The following PABPC4 variants were observed in gnomAD, a reference collection of about 807,000 sequenced individuals.
PABPC4 encodes the protein poly(A) binding protein cytoplasmic 4.
A neutral mutation model predicts 74.5 loss-of-function variants in PABPC4; 15 were observed. The observed-to-expected ratio is 0.20, with a 90% CI of 0.13 to 0.31. The LOEUF (loss-of-function observed/expected upper bound fraction) is 0.31. PABPC4 is among the 10% of genes least tolerant of loss of function. The probability of loss-of-function intolerance (pLI) is 1.00; values close to 1 mark genes in which losing one functional copy is unlikely to be tolerated. For missense variants in PABPC4, 610 were observed against 853.5 expected (o/e 0.71, Z 3.55); for synonymous variants, 345 against 303.0 (o/e 1.14, Z -1.44).
chr1:39,572,890 A>G, intron 1 of PABPC4, among the ~76,000 whole-genome samples: 1 of 152,216 alleles, frequency 6.6e-6, no homozygotes, highest in Non-Finnish European at 1.5e-5. Context: ...AGATCCAGTG[A>G]TAATACCTCA....
Position 39,571,109 on chromosome 1 carries a change from G to A in PABPC4, c.503+125C>T, listed in dbSNP as rs1452940048. ...CAGGGAGACTCACCAGCCCTGGAGT[G>A]GAGAGGTAGGAGCAGGCCACACTTG... is the stretch of plus-strand genomic sequence containing the variant. On this transcript the variant is annotated intron_variant, in intron 3 of 15. Coordinates refer to ENST00000372858, the MANE Select transcript of PABPC4 (RefSeq NM_001135653.2). 14 of 1,556,684 alleles carry A rather than the reference G, an allele frequency of 9.0e-6. No individual in the cohort carries two copies. In the Admixed American group the frequency reaches 1.6e-4, roughly 17 times the overall value.
chr1:39,576,066 G>C lies in PABPC4; in HGVS notation c.-115C>G. ...CGCGCCGCGGCTCACAGGTGGCACC[G>C]GCGCGGCGAGGACGAGCTGGAGTCG... On this transcript the variant is annotated 5_prime_UTR_variant, in exon 1 of 16. Transcript: ENST00000372858. 2.9e-6 allele frequency: 2 copies of C among 688,036 alleles called. No individual in the cohort carries two copies. Among genetic ancestry groups the C allele is most frequent in the South Asian group, 2.2e-5 (1 of 45,294 alleles). 42.6% of individuals were successfully genotyped at this position (688,036 alleles called of 1,614,324 possible).
At chr1:39,568,639 T>C in intron 6 of PABPC4, 163 bp downstream of exon 6, 1 of 626,466 alleles carries the variant, frequency 1.6e-6, no homozygotes, top group Admixed American at 2.9e-5. Context: ...TAATAATCAG[T>C]CATATGTAGT....
intron 15 of PABPC4, 111 bp downstream of exon 15, chr1:39,561,574 G>A (rs1645770401): frequency 1.4e-6 from 1 of 715,060 alleles, no homozygotes; most frequent in Admixed American, 2.5e-5. Context: ...TGTACTTATT[G>A]TATTCCCAGA....
intron 7 of PABPC4, chr1:39,567,271 CAT>C (rs892395464): frequency 2.4e-5 from 10 of 410,158 alleles, no homozygotes; most frequent in African/African-American, 1.0e-4. Flanking sequence ...CACTACGAAA[CAT>C]AGAAAAACCT....
At chr1:39,566,628 G>A (rs1475347811) in intron 7 of PABPC4, among the ~76,000 whole-genome samples, 1 of 152,220 alleles carries the variant, frequency 6.6e-6, no homozygotes, top group Non-Finnish European at 1.5e-5. Context: ...GGGAAGTAAA[G>A]AAGTGCATCA....
chr1:39,565,584 C>T (rs1645824632), intron 7 of PABPC4, among the ~76,000 whole-genome samples: 1 of 152,092 alleles, frequency 6.6e-6, no homozygotes, highest in Non-Finnish European at 1.5e-5. Context: ...AATCCCAGCA[C>T]TTTGGGAGGC....
chr1:39,562,963 A>G (rs1352773706), intron 12 of PABPC4: 1 of 153,208 alleles, frequency 6.5e-6, no homozygotes, highest in Non-Finnish European at 1.5e-5. Flanking sequence ...CCTTGCAAAG[A>G]AAAGGTATTT....
intron 6 of PABPC4, 61 bp from the exon 7 acceptor site, chr1:39,567,907 G>T: frequency 1.0e-6 from 1 of 977,692 alleles, no homozygotes; most frequent in South Asian, 1.4e-5. Context: ...CTAAGAAAGT[G>T]GTTCCCCAAG....
intron 7 of PABPC4, 91 bp downstream of exon 7, chr1:39,567,660 T>A: frequency 1.3e-6 from 1 of 759,588 alleles, no homozygotes; most frequent in Non-Finnish European, 2.3e-6. Flanking sequence ...GAAATGAACA[T>A]AATTTAAATG....
Position 39,565,258 on chromosome 1 carries a change from C to G in PABPC4, c.1093G>C (p.Val365Leu). 1 of 1,614,222 alleles carries G rather than the reference C, an allele frequency of 6.2e-7. No individual in the cohort carries two copies. The highest frequency in any genetic ancestry group is 8.5e-7 in the Non-Finnish European group (1 of 1,180,050). Residue 365 changes from valine to leucine, a missense_variant, in exon 8 of 16, where the codon GTT (valine) becomes CTT (leucine). Physicochemically the swap from Val to Leu is conservative, Grantham distance 32. This residue lies in a region of PABPC4 where 304 missense variants were observed against 478.9 expected (regional missense o/e 0.63). Transcript: ENST00000372858. ...GRIVGSKPLY[V>L]ALAQRKEERK... is the part of the protein sequence containing the mutation. The stretch of plus-strand genomic sequence containing the variant: ...TCTTCCTTCCTCTGGGCCAGGGCAA[C>G]ATATAGTGGCTTGGAGCCCACAATG...
chr1:39,564,917 G>A (rs1645813919), intron 8 of PABPC4, 144 bp from the exon 9 acceptor site: 1 of 869,548 alleles, frequency 1.2e-6, no homozygotes, highest in Non-Finnish European at 1.8e-6. Context: ...AGCTAATGGG[G>A]ACTGTTTTAT....
intron 7 of PABPC4, among the ~76,000 whole-genome samples, chr1:39,567,173 T>G (rs886417552): frequency 5.3e-5 from 8 of 152,308 alleles, no homozygotes; most frequent in Non-Finnish European, 1.2e-4. Context: ...GTTCAAGGAC[T>G]AAAATTCCTT....
chr1:39,564,739 T>A lies in PABPC4; in HGVS notation c.1280A>T (p.Gln427Leu). 1 of 1,614,168 alleles carries A rather than the reference T, an allele frequency of 6.2e-7. No homozygotes were observed. The highest frequency in any genetic ancestry group is 8.5e-7 in the Non-Finnish European group (1 of 1,180,028). ...TGGATTAGGCCTCATCTGTGCTAAC[T>A]GGTTAGGTGTATAATATGGAGGCCT... ...QGRPPYYTPN[Q>L]LAQMRPNPRW... is the part of the protein sequence containing the mutation. Residue 427 changes from glutamine to leucine, a missense_variant, in exon 9 of 16, where the codon CAG (glutamine) becomes CTG (leucine). By Grantham distance (113) the Gln-to-Leu change is moderately radical. This residue lies in a region of PABPC4 where 277 missense variants were observed against 301.8 expected (regional missense o/e 0.92). Transcript: ENST00000372858.
intron 9 of PABPC4, 71 bp from the exon 10 acceptor site, chr1:39,564,613 G>T: frequency 6.2e-7 from 1 of 1,610,502 alleles, no homozygotes; most frequent in Non-Finnish European, 8.5e-7. Flanking sequence ...CCTCAGAGTG[G>T]GGAAGAAGGA....
chr1:39,574,110 G>T (rs568115511), intron 1 of PABPC4, among the ~76,000 whole-genome samples: 1 of 152,078 alleles, frequency 6.6e-6, no homozygotes, highest in Non-Finnish European at 1.5e-5. Flanking sequence ...TTCATTAGCC[G>T]GGAGAATTTA....
At chr1:39,575,236 T>C (rs1323811949) in intron 1 of PABPC4, among the ~76,000 whole-genome samples, 1 of 152,194 alleles carries the variant, frequency 6.6e-6, no homozygotes, top group Admixed American at 6.5e-5. Flanking sequence ...TGCGAAAGTT[T>C]AACGCACAGA....
chr1:39,571,814 A>G (rs894292006), intron 2 of PABPC4: 12 of 338,996 alleles, frequency 3.5e-5, no homozygotes, highest in Non-Finnish European at 7.0e-5. Context: ...TCGAAGCTAC[A>G]ATGAGCTATT....
At chr1:39,575,465 G>A (rs929934564) in intron 1 of PABPC4, among the ~76,000 whole-genome samples, 2 of 152,174 alleles carry the variant, frequency 1.3e-5, no homozygotes, top group African/African-American at 4.8e-5. Flanking sequence ...CACACGCAGT[G>A]GAATGCCAGT....
Sources: gnomAD v4.1 joint callset for allele counts (sites outside exome capture counted in the v4.1 genomes callset) on GRCh38, gnomAD v4.1.1 for gene constraint, gnomAD v4.1.1 regional missense constraint, MANE v1.5 for transcripts, NCBI Gene and HGNC (gene_info 2026-07-23, HGNC 2026-07-21) for gene names.